Variants in SMIM14 observed in about 807,000 individuals in gnomAD.
SMIM14 encodes chromosome 4 open reading frame 34.
A neutral mutation model predicts 12.6 loss-of-function variants in SMIM14; 5 were observed. The ratio of observed to expected loss-of-function variants is 0.40; its 90% CI spans 0.21 to 0.83. The LOEUF (loss-of-function observed/expected upper bound fraction) is 0.83. Among genes scored for constraint, SMIM14 ranks in the 40% least tolerant of loss-of-function variants. The pLI is 0.37. For missense variants in SMIM14, 86 were observed against 119.1 expected (o/e 0.72, Z 1.29); for synonymous variants, 30 against 40.1 (o/e 0.75, Z 0.95).
chr4:39,568,426 G>A (rs1266756272), intron 3 of SMIM14, among the ~76,000 whole-genome samples: 5 of 152,008 alleles, frequency 3.3e-5, no homozygotes, highest in African/African-American at 4.8e-5. Flanking sequence ...ATTAAACACT[G>A]TTCTAAAACA....
chr4:39,637,577 G>C (rs185262912), intron 1 of SMIM14, among the ~76,000 whole-genome samples: 61 of 150,962 alleles, frequency 4.0e-4, no homozygotes, highest in African/African-American at 1.5e-3. Flanking sequence ...GGGGTGAAGC[G>C]GTGTTCTTAA....
chr4:39,559,155 C>T (rs116148439), intron 3 of SMIM14, among the ~76,000 whole-genome samples: 2 of 152,176 alleles, frequency 1.3e-5, no homozygotes, highest in African/African-American at 4.8e-5. Flanking sequence ...ATTTTAGAGG[C>T]GAGACAAAGA....
intron 3 of SMIM14, among the ~76,000 whole-genome samples, chr4:39,561,040 T>C (rs945722306): frequency 4.3e-4 from 51 of 118,524 alleles, no homozygotes; most frequent in African/African-American, 2.8e-3. Context: ...TTTTTTTTTC[T>C]TTTTTTTTAA....
At chr4:39,598,106 A>T (rs1714449984) in intron 2 of SMIM14, among the ~76,000 whole-genome samples, 1 of 152,096 alleles carries the variant, frequency 6.6e-6, no homozygotes, top group East Asian at 1.9e-4. Context: ...AAAGTTTTCT[A>T]CTTGTCTTAG....
intron 2 of SMIM14, among the ~76,000 whole-genome samples, chr4:39,590,281 C>T (rs1024078566): frequency 2.6e-5 from 4 of 151,180 alleles, no homozygotes; most frequent in African/African-American, 9.7e-5. Context: ...GGCGTGGTGG[C>T]GCTTGCCTGT....
intron 1 of SMIM14, among the ~76,000 whole-genome samples, chr4:39,632,360 A>C (rs1201020807): frequency 1.3e-5 from 2 of 151,688 alleles, no homozygotes; most frequent in African/African-American, 4.8e-5. Flanking sequence ...CGCGCCTGTA[A>C]TCTCAGCTAC....
intron 1 of SMIM14, among the ~76,000 whole-genome samples, chr4:39,620,507 AT>A (rs1309559803): frequency 1.3e-5 from 2 of 151,754 alleles, no homozygotes; most frequent in South Asian, 2.1e-4. Context: ...AATAAAAATA[AT>A]TTTTTTTGTA....
At position 39,548,506 on chromosome 4, in the gene SMIM14, T is replaced by G. The variant is rs559145435; in HGVS notation, c.*3620A>C. 1 of 152,180 alleles carries G rather than the reference T, an allele frequency of 6.6e-6. No homozygotes were observed. Among genetic ancestry groups the G allele is most frequent in the Non-Finnish European group, 1.5e-5 (1 of 68,032 alleles). The allele number at this position is 152,180 out of a possible 1,614,324, so 9.4% of individuals were successfully genotyped here. A position where few individuals can be genotyped will look rare whatever the true frequency, so the allele number is the denominator to read the frequency against. On this transcript the variant is annotated 3_prime_UTR_variant, in exon 5 of 5. Transcript: ENST00000295958. ...CATGACTGGCCTAAAACAAAATAAATTCTTAATGGCATTTGTGGAATGTGT... is the reference window on the plus strand; with the variant it reads ...CATGACTGGCCTAAAACAAAATAAAGTCTTAATGGCATTTGTGGAATGTGT...
rs1436675514 is a variant in SMIM14 at position 39,597,084 on chromosome 4, C to CTTTTT, written c.75+7986_75+7987insAAAAA. ...AGCCACGGTGCCCGGCCCAGGTTTC[C>CTTTTT]CTTTTTTTTTTTTTTTTTTTTTAGC... On this transcript the variant is annotated intron_variant, in intron 2 of 4. Transcript: ENST00000295958. 3.8e-3 allele frequency among the ~76,000 whole-genome samples: 505 copies of CTTTTT among 133,258 alleles called. 7 individuals are homozygous for CTTTTT. Among genetic ancestry groups the CTTTTT allele is most frequent in the African/African-American group, 0.013 (475 of 35,372 alleles). The allele number at this position is 133,258 out of a possible 152,430, so 87.4% of individuals were successfully genotyped here. A position where few individuals can be genotyped will look rare whatever the true frequency, so the allele number is the denominator to read the frequency against.
intron 2 of SMIM14, among the ~76,000 whole-genome samples, chr4:39,588,369 C>T (rs1253770557): frequency 6.6e-6 from 1 of 152,060 alleles, no homozygotes; most frequent in Non-Finnish European, 1.5e-5. Flanking sequence ...TAGAGAGACC[C>T]CATCTCTATT....
intron 1 of SMIM14, among the ~76,000 whole-genome samples, chr4:39,609,983 G>A (rs1038350440): frequency 2.6e-5 from 4 of 152,054 alleles, no homozygotes; most frequent in Admixed American, 1.3e-4. Flanking sequence ...AATTCTAGAC[G>A]CATGAGTGAT....
chr4:39,583,099 T>C (rs1713603495), intron 2 of SMIM14, among the ~76,000 whole-genome samples: 1 of 152,048 alleles, frequency 6.6e-6, no homozygotes, highest in African/African-American at 2.4e-5. Flanking sequence ...GCCGTTTTGT[T>C]TTTTTAAGAG....
chr4:39,611,034 C>T (rs1171323810), intron 1 of SMIM14, among the ~76,000 whole-genome samples: 2 of 152,002 alleles, frequency 1.3e-5, no homozygotes, highest in Non-Finnish European at 2.9e-5. Flanking sequence ...AAACCATGTG[C>T]AATATCAGGG....
At chr4:39,623,942 T>TTG (rs1715597225) in intron 1 of SMIM14, among the ~76,000 whole-genome samples, 1 of 152,136 alleles carries the variant, frequency 6.6e-6, no homozygotes, top group Admixed American at 6.6e-5. Context: ...TTCATAACTG[T>TTG]TGTCTGGTCA....
intron 3 of SMIM14, 25 bp from the exon 4 acceptor site, chr4:39,556,595 A>G (rs1434681776): frequency 6.4e-7 from 1 of 1,568,258 alleles, no homozygotes; most frequent in East Asian, 2.3e-5. Flanking sequence ...AAAATGTAGC[A>G]TGCTCACAAT....
intron 1 of SMIM14, among the ~76,000 whole-genome samples, chr4:39,618,035 T>C (rs1715286536): frequency 6.6e-6 from 1 of 151,748 alleles, no homozygotes; most frequent in Admixed American, 6.6e-5. Context: ...ACGGAAAAAA[T>C]GGTAGAGAGA....
chr4:39,559,535 A>G (rs1209531815), intron 3 of SMIM14, among the ~76,000 whole-genome samples: 1 of 152,176 alleles, frequency 6.6e-6, no homozygotes, highest in Admixed American at 6.6e-5. Flanking sequence ...CTCAGGAAAA[A>G]GTAAAAGAAA....
intron 4 of SMIM14, among the ~76,000 whole-genome samples, chr4:39,554,993 G>T (rs1425427228): frequency 1.3e-5 from 2 of 151,438 alleles, no homozygotes; most frequent in Admixed American, 6.6e-5. Context: ...CCACCACCAG[G>T]CCCAGCTAAT....
chr4:39,571,202 A>G (rs765860446), intron 3 of SMIM14, among the ~76,000 whole-genome samples: 2 of 152,138 alleles, frequency 1.3e-5, no homozygotes, highest in African/African-American at 4.8e-5. Flanking sequence ...TCTGATGCGC[A>G]TGTTAATGTC....
Sources: allele counts gnomAD v4.1 joint callset (sites outside exome capture counted in the v4.1 genomes callset), GRCh38; gene constraint gnomAD v4.1.1; transcripts MANE v1.5; gene names NCBI Gene and HGNC (gene_info 2026-07-23, HGNC 2026-07-21).